The following SNX14 variants were observed in gnomAD, a reference collection of about 807,000 sequenced individuals.
SNX14 encodes sorting nexin 14, also known as sorting nexin-14.
Under a neutral mutation model 133.8 loss-of-function variants are expected in SNX14, and 93 were observed. The observed-to-expected ratio is 0.70, with a 90% CI of 0.59 to 0.83. The LOEUF (loss-of-function observed/expected upper bound fraction) is 0.83. Among genes scored for constraint, SNX14 ranks in the 40% least tolerant of loss-of-function variants. SNX14 has a pLI of 0.00. For synonymous variants in SNX14, 368 were observed against 365.6 expected (o/e 1.01, Z -0.07); for missense variants, 945 against 1,094.9 (o/e 0.86, Z 1.93).
At chr6:85,527,093 A>G (rs982949164) in intron 20 of SNX14, among the ~76,000 whole-genome samples, 3 of 152,206 alleles carry the variant, frequency 2.0e-5, no homozygotes, top group African/African-American at 7.2e-5. Context: ...AATTAAAAAA[A>G]GACTTTTAAA....
chr6:85,553,908 AATC>A lies in SNX14; in HGVS notation c.635-4032_635-4030del, dbSNP rs1250436544. On this transcript the variant is annotated intron_variant, in intron 7 of 28. Coordinates refer to ENST00000314673, the MANE Select transcript of SNX14 (RefSeq NM_153816.6). ...GCATTCACACATAATATATAAATTAAATCACCAGATTGGAATCTACTCAGCACC... is the reference window on the plus strand; with the variant it reads ...GCATTCACACATAATATATAAATTAAACCAGATTGGAATCTACTCAGCACC... Among the ~76,000 whole-genome samples, 16 of 152,376 alleles carry A rather than the reference AATC, an allele frequency of 1.1e-4. No homozygotes were observed. In the East Asian group the frequency reaches 3.1e-3, roughly 29 times the overall value.
chr6:85,516,763 G>A (rs1002500014), intron 23 of SNX14, among the ~76,000 whole-genome samples: 4 of 150,046 alleles, frequency 2.7e-5, no homozygotes, highest in African/African-American at 4.9e-5. Flanking sequence ...TCGGCCTCCC[G>A]AGTAGCTAGG....
chr6:85,514,123 A>G lies in SNX14; in HGVS notation c.2504T>C (p.Leu835Pro). The G allele has an allele frequency of 6.2e-7, 1 of 1,613,984 alleles. No homozygotes were observed. The highest frequency in any genetic ancestry group is 8.5e-7 in the Non-Finnish European group (1 of 1,179,942). The part of the protein sequence containing the change: ...MYTDYYLQCK[L>P]EQLFQEHRLV... The stretch of plus-strand genomic sequence containing the variant: ...ACGGTGCTCCTGAAATAGCTGTTCT[A>G]GTTTACACTGAAGATAGTAATCAGT... The change falls in exon 25 of 29, where the codon CTA becomes CCA. Residue 835 changes from leucine (L) to proline (P), a missense_variant. Physicochemically the swap from Leu to Pro is moderately conservative, Grantham distance 98. Coordinates refer to ENST00000314673, the MANE Select transcript of SNX14 (RefSeq NM_153816.6).
intron 1 of SNX14, among the ~76,000 whole-genome samples, chr6:85,576,242 T>C (rs1387164667): frequency 3.9e-5 from 6 of 152,202 alleles, no homozygotes; most frequent in African/African-American, 1.4e-4. Context: ...TAATAATTTG[T>C]AGACTCAGTA....
chr6:85,583,309 T>C (rs1220138703), intron 1 of SNX14, among the ~76,000 whole-genome samples: 2 of 152,094 alleles, frequency 1.3e-5, no homozygotes, highest in Admixed American at 6.6e-5. Context: ...TCATACTGAA[T>C]GGGCAAAAAG....
intron 4 of SNX14, among the ~76,000 whole-genome samples, chr6:85,571,459 G>T (rs920838006): frequency 6.6e-6 from 1 of 151,864 alleles, no homozygotes; most frequent in Non-Finnish European, 1.5e-5. Flanking sequence ...ACAATTAAGC[G>T]GGATTCAGAT....
At chr6:85,588,095 G>C (rs553017766) in intron 1 of SNX14, among the ~76,000 whole-genome samples, 15 of 152,100 alleles carry the variant, frequency 9.9e-5, no homozygotes, top group Admixed American at 8.5e-4. Flanking sequence ...TTTGAGACCA[G>C]CCTAGGCAAT....
At position 85,543,640 on chromosome 6, in the gene SNX14, C is replaced by A; in HGVS notation, c.1229G>T (p.Arg410Ile). The A allele has an allele frequency of 6.3e-7, 1 of 1,588,100 alleles. No individual in the cohort carries two copies. The highest frequency in any genetic ancestry group is 1.2e-5 in the South Asian group (1 of 86,928). Residue 410 changes from arginine (R) to isoleucine (I), a missense_variant, in exon 13 of 29, where the codon AGA becomes ATA. Arg to Ile is a moderately conservative substitution (Grantham distance 97). Around this residue, in one of 3 missense-constraint regions of SNX14, gnomAD observed 514 missense variants for 538.8 expected, o/e 0.95. Transcript: ENST00000314673. ...CTCTTCTACAATGAAGGGATCAAAT[C>A]TAATTTTGTCAATACTTTCATCCAA... Reference protein sequence around the residue: ...YCLDESIDKIRFDPFIVEEIQ... With the variant: ...YCLDESIDKIIFDPFIVEEIQ...
intron 6 of SNX14, among the ~76,000 whole-genome samples, chr6:85,560,389 C>T (rs1048874907): frequency 6.6e-6 from 1 of 152,020 alleles, no homozygotes; most frequent in Admixed American, 6.6e-5. Context: ...CACAAAAGGC[C>T]ACATATTGTA....
chr6:85,579,944 G>C (rs1187989872), intron 1 of SNX14, among the ~76,000 whole-genome samples: 1 of 152,180 alleles, frequency 6.6e-6, no homozygotes, highest in Non-Finnish European at 1.5e-5. Context: ...AGGATGATGA[G>C]AGCCTTCTAT....
At chr6:85,538,920 T>TA in intron 15 of SNX14, 56 bp from the exon 16 acceptor site, 1 of 1,441,848 alleles carries the variant, frequency 6.9e-7, no homozygotes, top group Admixed American at 2.3e-5. Flanking sequence ...AAAGCCCAGA[T>TA]ATTATATAAA....
At chr6:85,512,779 C>A (rs1376665833) in intron 26 of SNX14, among the ~76,000 whole-genome samples, 3 of 152,146 alleles carry the variant, frequency 2.0e-5, no homozygotes, top group Non-Finnish European at 4.4e-5. Context: ...GTTTTGAGTT[C>A]ACGGGTTTCT....
Position 85,549,856 on chromosome 6 carries a change from G to T in SNX14, c.658C>A (p.Gln220Lys), listed in dbSNP as rs745663472. The change falls in exon 8 of 29, where the codon CAA (glutamine) becomes AAA (lysine). Residue 220 changes from glutamine to lysine, a missense_variant. By Grantham distance (53) the Gln-to-Lys change is moderately conservative. Coordinates refer to ENST00000314673, the MANE Select transcript of SNX14 (RefSeq NM_153816.6). The part of the protein sequence containing the change: ...QKVKNTEFLQ[Q>K]AALEEYGPEL... ...GGACCATATTCTTCTAAAGCAGCTT[G>T]CTGTAAAAACTCTGTATTTTTTACT... is the stretch of plus-strand genomic sequence containing the variant. The T allele has an allele frequency of 5.0e-6, 8 of 1,609,376 alleles. No individual in the cohort carries two copies. The African/African-American group carries it at 5.4e-5, about 11-fold the overall frequency.
At chr6:85,592,165 G>A (rs1802998976) in intron 1 of SNX14, among the ~76,000 whole-genome samples, 2 of 152,174 alleles carry the variant, frequency 1.3e-5, no homozygotes, top group Non-Finnish European at 2.9e-5. Flanking sequence ...CACTCCTACA[G>A]TTCAAACATC....
Position 85,593,774 on chromosome 6 carries a change from C to A in SNX14, c.-56G>T. ...CTGGCTGAGGCAGAGGTCAAGGCGA[C>A]CCCCCATCCACACCTCGCGTCCCCG... On this transcript the variant is annotated 5_prime_UTR_variant, in exon 1 of 29. Coordinates refer to ENST00000314673, the MANE Select transcript of SNX14 (RefSeq NM_153816.6). The A allele has an allele frequency of 6.3e-7, 1 of 1,592,822 alleles. No homozygotes were observed. The highest frequency in any genetic ancestry group is 1.7e-4 in the Middle Eastern group (1 of 6,000).
At chr6:85,591,993 AGAGAGT>A (rs1802915498) in intron 1 of SNX14, among the ~76,000 whole-genome samples, 1 of 152,254 alleles carries the variant, frequency 6.6e-6, no homozygotes, top group Non-Finnish European at 1.5e-5. Context: ...AGCCTGGGCA[AGAGAGT>A]GAGACTCCGT....
intron 6 of SNX14, among the ~76,000 whole-genome samples, chr6:85,562,857 T>C (rs565394973): frequency 5.2e-4 from 79 of 152,164 alleles, no homozygotes; most frequent in African/African-American, 1.9e-3. Flanking sequence ...CACCTCAGAT[T>C]ACAGGCATGA....
intron 26 of SNX14, chr6:85,508,503 G>T: frequency 2.4e-6 from 1 of 412,436 alleles, no homozygotes; most frequent in Non-Finnish European, 3.3e-6. Context: ...CTTCTACCCA[G>T]TGGGCAGAAG....
At chr6:85,529,712 T>C (rs1468706682) in intron 19 of SNX14, among the ~76,000 whole-genome samples, 2 of 152,184 alleles carry the variant, frequency 1.3e-5, no homozygotes, top group African/African-American at 2.4e-5. Flanking sequence ...GAACGTTCCT[T>C]ACCCTTCTCA....
Sources: allele counts gnomAD v4.1 joint callset (sites outside exome capture counted in the v4.1 genomes callset), GRCh38; gene constraint gnomAD v4.1.1; regional missense constraint gnomAD v4.1.1; transcripts MANE v1.5; gene names NCBI Gene and HGNC (gene_info 2026-07-23, HGNC 2026-07-21).